The following REEP3 variants were observed in gnomAD, a reference collection of about 807,000 sequenced individuals.
REEP3 encodes receptor accessory protein 3, also known as receptor expression-enhancing protein 3.
Under a neutral mutation model 41.3 loss-of-function variants are expected in REEP3, and 20 were observed. The observed-to-expected ratio is 0.48, with a 90% CI of 0.34 to 0.70. REEP3 has a LOEUF of 0.70. Ranked by LOEUF, REEP3 falls within the 30% of genes least tolerant of loss-of-function variation. The pLI is 0.01. For missense variants in REEP3, 271 were observed against 308.8 expected (o/e 0.88, Z 0.92); for synonymous variants, 104 against 101.8 (o/e 1.02, Z -0.13).
At position 63,527,286 on chromosome 10, in the gene REEP3, C is replaced by T. The variant is rs192789887; in HGVS notation, c.32+5709C>T. On this transcript the variant is annotated intron_variant, in intron 1 of 7. Coordinates refer to ENST00000373758, the MANE Select transcript of REEP3 (RefSeq NM_001001330.3). Reference sequence around the variant, plus strand: ...AGCATACCAACATGCTATTACTTCTCCCATCTTAAAAAAAAAAACTCTTTT... The same window carrying T: ...AGCATACCAACATGCTATTACTTCTTCCATCTTAAAAAAAAAAACTCTTTT... Among the ~76,000 whole-genome samples, 970 of 152,034 alleles carry T rather than the reference C, an allele frequency of 6.4e-3. 24 individuals carry two copies. The highest frequency in any genetic ancestry group is 0.046 in the Admixed American group (702 of 15,254).
At chr10:63,620,523 T>A (rs1956345656) in intron 7 of REEP3, among the ~76,000 whole-genome samples, 1 of 152,230 alleles carries the variant, frequency 6.6e-6, no homozygotes, top group Non-Finnish European at 1.5e-5. Flanking sequence ...GGACTGTGAA[T>A]GGCCTCTGAT....
Position 63,590,146 on chromosome 10 carries a change from G to T in REEP3, c.106-4632G>T, listed in dbSNP as rs76153410. Among the ~76,000 whole-genome samples the T allele has an allele frequency of 9.1e-3, 1,390 of 152,198 alleles. 18 individuals are homozygous for T. Among genetic ancestry groups the T allele is most frequent in the African/African-American group, 0.031 (1,274 of 41,530 alleles). ...GGATCTCATTATATTGCCCAGGCTG[G>T]CCTCGAATTCCTGGGCCAAAGCAGT... is the stretch of plus-strand genomic sequence containing the variant. On this transcript the variant is annotated intron_variant, in intron 2 of 7. Transcript: ENST00000373758.
At chr10:63,601,108 C>T (rs1423002215) in intron 5 of REEP3, among the ~76,000 whole-genome samples, 1 of 151,714 alleles carries the variant, frequency 6.6e-6, no homozygotes, top group Admixed American at 6.6e-5. Context: ...GAGCCAAGAT[C>T]ACACCACTAT....
intron 2 of REEP3, among the ~76,000 whole-genome samples, chr10:63,578,248 T>C (rs1955915122): frequency 1.3e-5 from 2 of 151,932 alleles, no homozygotes; most frequent in East Asian, 1.9e-4. Flanking sequence ...TACAGGCACC[T>C]GCCACCACAC....
At chr10:63,612,424 G>C (rs1956283285) in intron 6 of REEP3, among the ~76,000 whole-genome samples, 1 of 151,646 alleles carries the variant, frequency 6.6e-6, no homozygotes, top group African/African-American at 2.4e-5. Flanking sequence ...TGTGTGTCTT[G>C]GCCTCCCAGA....
chr10:63,521,516 C>G lies in REEP3; in HGVS notation c.-30C>G. ...TCCGCAGCGCCCTGCGCCCACCCGCCCCGGACGTGGGGCCCAAGCCCCCGT... is the reference window on the plus strand; with the variant it reads ...TCCGCAGCGCCCTGCGCCCACCCGCGCCGGACGTGGGGCCCAAGCCCCCGT... On this transcript the variant is annotated 5_prime_UTR_variant, in exon 1 of 8. Coordinates refer to ENST00000373758, the MANE Select transcript of REEP3 (RefSeq NM_001001330.3). 7.1e-7 allele frequency: 1 copy of G among 1,406,976 alleles called. No homozygotes were observed. Among genetic ancestry groups the G allele is most frequent in the Non-Finnish European group, 9.4e-7 (1 of 1,068,216 alleles). The allele number at this position is 1,406,976 out of a possible 1,614,324, so 87.2% of individuals were successfully genotyped here.
In REEP3 at chr10:63,621,145, C is replaced by A; in HGVS notation, c.*276C>A. ...TCAAATTCATCAACAGCCTAGAGTG[C>A]CTGAGATATAAGATGAAACACAAAT... is the stretch of plus-strand genomic sequence containing the variant. On this transcript the variant is annotated 3_prime_UTR_variant, in exon 8 of 8. Transcript: ENST00000373758. The A allele has an allele frequency of 3.8e-6, 1 of 262,376 alleles. No individual in the cohort carries two copies. Among genetic ancestry groups the A allele is most frequent in the South Asian group, 6.7e-5 (1 of 14,876 alleles). The allele number at this position is 262,376 out of a possible 1,614,324, so 16.3% of individuals were successfully genotyped here. A position where few individuals can be genotyped will look rare whatever the true frequency, so the allele number is the denominator to read the frequency against.
Position 63,623,230 on chromosome 10 carries a change from A to G in REEP3, c.*2361A>G, listed in dbSNP as rs2133442321. 1 of 152,184 alleles carries G rather than the reference A, an allele frequency of 6.6e-6. No homozygotes were observed. Among genetic ancestry groups the G allele is most frequent in the East Asian group, 1.9e-4 (1 of 5,176 alleles). 9.4% of individuals were successfully genotyped at this position (152,184 alleles called of 1,614,324 possible). A position where few individuals can be genotyped will look rare whatever the true frequency, so the allele number is the denominator to read the frequency against. ...TTCCTTACATCATTATACACTGTTG[A>G]TATCATTTTACTCTTCTTTCTCTTC... On this transcript the variant is annotated 3_prime_UTR_variant, in exon 8 of 8. Transcript: ENST00000373758.
chr10:63,568,415 C>T (rs1177187165), intron 2 of REEP3, among the ~76,000 whole-genome samples: 5 of 151,686 alleles, frequency 3.3e-5, no homozygotes, highest in East Asian at 1.9e-4. Flanking sequence ...TACAGGCGCC[C>T]GCCACCACGC....
intron 6 of REEP3, among the ~76,000 whole-genome samples, chr10:63,615,639 A>G (rs1047218354): frequency 4.0e-5 from 6 of 151,134 alleles, no homozygotes; most frequent in African/African-American, 1.5e-4. Context: ...TCCACCTCCC[A>G]GGTTCAAGCA....
At chr10:63,554,861 G>T (rs1955662930) in intron 1 of REEP3, among the ~76,000 whole-genome samples, 1 of 152,168 alleles carries the variant, frequency 6.6e-6, no homozygotes, top group African/African-American at 2.4e-5. Flanking sequence ...AGTGTACTCT[G>T]TTCCAAGTTC....
chr10:63,524,238 C>T (rs75266608), intron 1 of REEP3, among the ~76,000 whole-genome samples: 207 of 152,236 alleles, frequency 1.4e-3, no homozygotes, highest in African/African-American at 4.2e-3. Context: ...CTTTTTCACA[C>T]CAGGAGGTAG....
intron 1 of REEP3, among the ~76,000 whole-genome samples, chr10:63,559,846 C>G (rs1197371342): frequency 6.6e-6 from 1 of 151,814 alleles, no homozygotes; most frequent in African/African-American, 2.4e-5. Context: ...AAATAGAAAA[C>G]AGGTAGGAAA....
intron 1 of REEP3, among the ~76,000 whole-genome samples, chr10:63,557,799 A>C (rs1161039783): frequency 6.6e-6 from 1 of 152,232 alleles, no homozygotes; most frequent in Non-Finnish European, 1.5e-5. Flanking sequence ...AGAAAATAAA[A>C]ATTTGGTGAG....
chr10:63,567,374 G>A (rs948559714), intron 2 of REEP3, among the ~76,000 whole-genome samples: 3 of 151,988 alleles, frequency 2.0e-5, no homozygotes, highest in African/African-American at 7.3e-5. Flanking sequence ...CCACCAACCT[G>A]CTGTCTGTAT....
At chr10:63,568,273 T>TC (rs1955818565) in intron 2 of REEP3, among the ~76,000 whole-genome samples, 2 of 151,480 alleles carry the variant, frequency 1.3e-5, no homozygotes, top group African/African-American at 2.4e-5. Context: ...TTGTTTGTTT[T>TC]TTTTTTTTTT....
intron 2 of REEP3, among the ~76,000 whole-genome samples, chr10:63,588,014 G>C (rs187547419): frequency 8.5e-4 from 129 of 152,294 alleles, no homozygotes; most frequent in Non-Finnish European, 1.4e-3. Flanking sequence ...GTCATAGTCT[G>C]TTCCAGGTCT....
chr10:63,609,923 T>A, intron 5 of REEP3, among the ~76,000 whole-genome samples: 1 of 152,180 alleles, frequency 6.6e-6, no homozygotes, highest in East Asian at 1.9e-4. Context: ...ATTTTAAAAT[T>A]AAATATGATG....
rs1000405867 is a variant in REEP3 at position 63,566,381 on chromosome 10, G to A, written c.76G>A (p.Ala26Thr). ...TTATCCTGCATATTATTCATACAAA[G>A]CTGTGAAAACAAAAAACGTGAAGGA... is the stretch of plus-strand genomic sequence containing the variant. ...MLYPAYYSYK[A>T]VKTKNVKEYV... Residue 26 changes from alanine to threonine, a missense_variant, in exon 2 of 8, where the codon GCT becomes ACT. Ala to Thr is a moderately conservative substitution (Grantham distance 58). Transcript: ENST00000373758. 1.6e-5 allele frequency: 25 copies of A among 1,552,184 alleles called. No homozygotes were observed. The African/African-American group carries it at 3.1e-4, about 19-fold the overall frequency.
Sources: gnomAD v4.1 joint callset for allele counts (sites outside exome capture counted in the v4.1 genomes callset) on GRCh38, gnomAD v4.1.1 for gene constraint, MANE v1.5 for transcripts, NCBI Gene and HGNC (gene_info 2026-07-23, HGNC 2026-07-21) for gene names.